Variants in GRIN2B observed in about 807,000 individuals in gnomAD.
GRIN2B encodes the protein glutamate receptor ionotropic, NMDA 2B.
In GRIN2B, 5 loss-of-function variants were observed where a neutral mutation model predicts 114.5. The ratio of observed to expected loss-of-function variants is 0.04; its 90% CI spans 0.02 to 0.09. The LOEUF (loss-of-function observed/expected upper bound fraction) is 0.09. GRIN2B is among the 10% of genes least tolerant of loss of function. The pLI is 1.00. For synonymous variants in GRIN2B, 787 were observed against 745.1 expected (o/e 1.06, Z -0.92); for missense variants, 1,108 against 1,943.5 (o/e 0.57, Z 8.08).
chr12:13,880,174 T>C (rs1356782991), intron 2 of GRIN2B, among the ~76,000 whole-genome samples: 1 of 152,184 alleles, frequency 6.6e-6, no homozygotes, highest in Admixed American at 6.5e-5. Context: ...GTCCTGGAGA[T>C]GCCTTTATTA....
chr12:13,586,537 G>T (rs528225385), intron 10 of GRIN2B, among the ~76,000 whole-genome samples: 62 of 152,302 alleles, frequency 4.1e-4, no homozygotes, highest in South Asian at 1.2e-3. Flanking sequence ...GGACTCCTGT[G>T]CCTGTCTCAC....
At chr12:13,794,038 CAAAAAAA>C (rs59335663) in intron 3 of GRIN2B, among the ~76,000 whole-genome samples, 10 of 79,228 alleles carry the variant, frequency 1.3e-4, no homozygotes, top group Admixed American at 5.1e-4. Context: ...CCCATCTCTA[CAAAAAAA>C]AAAAAAAAAA....
intron 5 of GRIN2B, among the ~76,000 whole-genome samples, chr12:13,629,218 C>G (rs1026273231): frequency 3.9e-5 from 6 of 152,140 alleles, no homozygotes; most frequent in Non-Finnish European, 8.8e-5. Flanking sequence ...CAATAACGGT[C>G]AATTTGGTAG....
intron 4 of GRIN2B, among the ~76,000 whole-genome samples, chr12:13,728,590 T>G (rs1863032145): frequency 6.6e-6 from 1 of 151,934 alleles, no homozygotes; most frequent in African/African-American, 2.4e-5. Context: ...AGAGGGGAGA[T>G]GGCAATTCAC....
At chr12:13,810,134 C>T (rs576416109) in intron 3 of GRIN2B, among the ~76,000 whole-genome samples, 1 of 151,922 alleles carries the variant, frequency 6.6e-6, no homozygotes, top group East Asian at 1.9e-4. Context: ...TGAAACCCCA[C>T]CACCCCCCTC....
intron 10 of GRIN2B, among the ~76,000 whole-genome samples, chr12:13,581,501 G>A (rs969879229): frequency 1.3e-5 from 2 of 150,564 alleles, no homozygotes; most frequent in African/African-American, 2.4e-5. Context: ...AGAAGAAGAA[G>A]GTCAGGTGAC....
intron 4 of GRIN2B, among the ~76,000 whole-genome samples, chr12:13,737,043 A>AC (rs1555129601): frequency 6.7e-6 from 1 of 148,906 alleles, no homozygotes; most frequent in Non-Finnish European, 1.5e-5. Context: ...AAAAAAAAAA[A>AC]AAAGAAGAAG....
intron 2 of GRIN2B, among the ~76,000 whole-genome samples, chr12:13,891,992 G>T (rs890908795): frequency 3.3e-5 from 5 of 152,140 alleles, no homozygotes; most frequent in Admixed American, 1.3e-4. Flanking sequence ...TATTGCCTTA[G>T]CACTTCTTTT....
In GRIN2B at chr12:13,562,562, G is replaced by A; in HGVS notation, c.*221C>T. 7.0e-6 allele frequency: 4 copies of A among 574,280 alleles called. No individual in the cohort carries two copies. Among genetic ancestry groups the A allele is most frequent in the South Asian group, 6.2e-5 (3 of 48,282 alleles). 35.6% of individuals were successfully genotyped at this position (574,280 alleles called of 1,614,324 possible). ...CTCATGGGAACAGGAATGGCTGACA[G>A]CGGGGGGAAGAAGGAGAGAACTGTG... On this transcript the variant is annotated 3_prime_UTR_variant, in exon 14 of 14. Transcript: ENST00000609686.
rs572425075 is a variant in GRIN2B at position 13,886,853 on chromosome 12, T to C, written c.-18-20627A>G. 3.3e-4 allele frequency among the ~76,000 whole-genome samples: 50 copies of C among 152,328 alleles called. 1 individual carries two copies. The highest frequency in any genetic ancestry group is 3.1e-3 in the Admixed American group (47 of 15,298). On this transcript the variant is annotated intron_variant, in intron 2 of 13. Coordinates refer to ENST00000609686, the MANE Select transcript of GRIN2B (RefSeq NM_000834.5). Reference sequence around the variant, plus strand: ...ATAAACCCTCACCCATAAACACTTATACAGTACTCATGTCACATGCACACT... The same window carrying C: ...ATAAACCCTCACCCATAAACACTTACACAGTACTCATGTCACATGCACACT...
intron 3 of GRIN2B, among the ~76,000 whole-genome samples, chr12:13,801,758 T>C (rs1864518636): frequency 6.6e-6 from 1 of 152,164 alleles, no homozygotes; most frequent in South Asian, 2.1e-4. Context: ...AGCCTTCATC[T>C]GAACTTTTGG....
intron 2 of GRIN2B, among the ~76,000 whole-genome samples, chr12:13,957,023 T>C (rs1214293270): frequency 1.3e-5 from 2 of 152,168 alleles, no homozygotes; most frequent in East Asian, 1.9e-4. Context: ...TATTTTCTTA[T>C]AGGCATAAAA....
intron 5 of GRIN2B, among the ~76,000 whole-genome samples, chr12:13,646,675 CCTTCTT>C (rs1032054593): frequency 1.3e-5 from 2 of 151,910 alleles, no homozygotes; most frequent in African/African-American, 2.4e-5. Context: ...TTCTCCTTCT[CCTTCTT>C]CTCTTATTTC....
intron 4 of GRIN2B, among the ~76,000 whole-genome samples, chr12:13,744,949 T>A (rs576577789): frequency 1.3e-5 from 2 of 152,122 alleles, no homozygotes; most frequent in East Asian, 1.9e-4. Context: ...TCAGTAGTCA[T>A]CCTAAATGCC....
In GRIN2B at chr12:13,562,465, A is replaced by T. The variant is rs2136401548; in HGVS notation, c.*318T>A. The T allele has an allele frequency of 2.8e-6, 1 of 356,798 alleles. No homozygotes were observed. The highest frequency in any genetic ancestry group is 2.1e-5 in the African/African-American group (1 of 48,766). 22.1% of individuals were successfully genotyped at this position (356,798 alleles called of 1,614,324 possible). ...GGATATCAAGGAGCTCTTCCACACC[A>T]GGAGGAAGCCCGCATGCAGCCCTTC... is the stretch of plus-strand genomic sequence containing the variant. On this transcript the variant is annotated 3_prime_UTR_variant, in exon 14 of 14. Coordinates refer to ENST00000609686, the MANE Select transcript of GRIN2B (RefSeq NM_000834.5).
intron 4 of GRIN2B, among the ~76,000 whole-genome samples, chr12:13,712,086 G>A (rs550712912): frequency 6.6e-6 from 1 of 152,172 alleles, no homozygotes; most frequent in African/African-American, 2.4e-5. Context: ...TAGGGACATG[G>A]ATGAAGCCAG....
chr12:13,621,613 GTTTTTTTTTTTTTTTT>G (rs869106790), intron 5 of GRIN2B, among the ~76,000 whole-genome samples: 2 of 72,368 alleles, frequency 2.8e-5, no homozygotes, highest in East Asian at 5.4e-4. Context: ...CCTAGTTTTT[GTTTTTTTTTTTTTTTT>G]TTTTTTTTTT....
intron 5 of GRIN2B, among the ~76,000 whole-genome samples, chr12:13,636,322 G>A (rs368427755): frequency 2.0e-5 from 3 of 152,194 alleles, no homozygotes; most frequent in Admixed American, 1.3e-4. Context: ...GGAGGACACA[G>A]ACCATGCTGG....
chr12:13,594,490 C>A (rs1949048012), intron 10 of GRIN2B, among the ~76,000 whole-genome samples: 1 of 144,732 alleles, frequency 6.9e-6, no homozygotes, highest in South Asian at 2.2e-4. Context: ...CACACGGACA[C>A]AGGGAGGGGA....
Sources: gnomAD v4.1 joint callset for allele counts (sites outside exome capture counted in the v4.1 genomes callset) on GRCh38, gnomAD v4.1.1 for gene constraint, MANE v1.5 for transcripts, NCBI Gene and HGNC (gene_info 2026-07-23, HGNC 2026-07-21) for gene names.